Variants in PUM3 observed in about 807,000 individuals in gnomAD.
The protein encoded by PUM3 is pumilio homolog 3.
A neutral mutation model predicts 84.0 loss-of-function variants in PUM3; 91 were observed. The ratio of observed to expected loss-of-function variants is 1.08; its 90% confidence interval spans 0.91 to 1.29. PUM3 has a LOEUF of 1.29. PUM3 is among the 50% of genes most tolerant of loss of function. The probability of loss-of-function intolerance (pLI) is 0.00; values close to 1 mark genes in which losing one functional copy is unlikely to be tolerated. For synonymous variants in PUM3, 321 were observed against 266.7 expected, an observed-to-expected ratio of 1.20 and a Z score of -1.98; for missense variants, 1,067 against 767.5, an observed-to-expected ratio of 1.39 and a Z score of -4.61.
rs182021217 is a variant in PUM3 at position 2,806,101 on chromosome 9, A to G, written c.1815-1638T>C. On this transcript the variant is annotated intron_variant, in intron 17 of 17. Transcript: ENST00000397885. ...ATAATAAACCTATAGTATCCTTCCTATGTTTGAAATCCACCTAATGGGAGT... is the reference window on the plus strand; with the variant it reads ...ATAATAAACCTATAGTATCCTTCCTGTGTTTGAAATCCACCTAATGGGAGT... 6.4e-4 allele frequency among the ~76,000 whole-genome samples: 98 copies of G among 152,298 alleles called. 1 individual carries two copies. Among genetic ancestry groups the G allele is most frequent in the African/African-American group, 2.3e-3 (95 of 41,574 alleles).
Position 2,827,152 on chromosome 9 carries a change from C to G in PUM3, c.957-1G>C. 1.9e-6 allele frequency: 3 copies of G among 1,603,758 alleles called. No individual in the cohort carries two copies. The highest frequency in any genetic ancestry group is 2.6e-6 in the Non-Finnish European group (3 of 1,176,132). ...CAATGAGTGCTTAATCACAGCTTCC[C>G]TGAAAACAGAAAAAAAAAGCAAAAA... On this transcript the variant is annotated splice_acceptor_variant, in intron 9 of 17. Coordinates refer to ENST00000397885, the MANE Select transcript of PUM3 (RefSeq NM_014878.5). LOFTEE classifies it high-confidence loss of function.
chr9:2,831,219 T>C (rs2129863713), intron 6 of PUM3, 32 bp downstream of exon 6: 1 of 1,407,108 alleles, frequency 7.1e-7, no homozygotes, highest in Non-Finnish European at 1.0e-6. Flanking sequence ...TTATTGCAAA[T>C]GATAACATAA....
chr9:2,838,296 A>G (rs1816181625), intron 2 of PUM3, 130 bp downstream of exon 2: 1 of 686,000 alleles, frequency 1.5e-6, no homozygotes, highest in Admixed American at 2.3e-5. Context: ...TAACTCATAC[A>G]CAATAACACA....
chr9:2,828,605 C>A, intron 9 of PUM3, 70 bp downstream of exon 9: 1 of 901,564 alleles, frequency 1.1e-6, no homozygotes, highest in Non-Finnish European at 1.8e-6. Context: ...CTCTTCTGGG[C>A]AACAGTTATG....
At chr9:2,838,072 A>T (rs888948938) in intron 2 of PUM3, among the ~76,000 whole-genome samples, 3 of 152,210 alleles carry the variant, frequency 2.0e-5, no homozygotes, top group Non-Finnish European at 2.9e-5. Context: ...AGACATCACC[A>T]TTATAAATTC....
intron 17 of PUM3, among the ~76,000 whole-genome samples, chr9:2,805,752 A>T (rs1055022045): frequency 6.6e-6 from 1 of 152,096 alleles, no homozygotes; most frequent in Admixed American, 6.6e-5. Flanking sequence ...TGCATCATCC[A>T]ATCTAGTTTT....
intron 16 of PUM3, among the ~76,000 whole-genome samples, chr9:2,809,974 G>C (rs1207396316): frequency 6.6e-6 from 1 of 151,982 alleles, no homozygotes; most frequent in East Asian, 1.9e-4. Flanking sequence ...CTGAGGTAAT[G>C]ATACTCAACA....
chr9:2,805,793 A>AT (rs891108127), intron 17 of PUM3, among the ~76,000 whole-genome samples: 40 of 151,684 alleles, frequency 2.6e-4, no homozygotes, highest in East Asian at 7.7e-4. Context: ...CATTAATCTC[A>AT]TTTTTTTTAC....
chr9:2,825,898 T>C (rs928714668), intron 10 of PUM3, among the ~76,000 whole-genome samples: 11 of 152,148 alleles, frequency 7.2e-5, no homozygotes, highest in South Asian at 2.1e-4. Flanking sequence ...ATACAAAGCC[T>C]CATGCCACGA....
rs1816181334 is a variant in PUM3 at position 2,838,284 on chromosome 9, G to A, written c.82+142C>T. ...AGTGTCTAAATGTCATGAGCAACAT[G>A]TTAACTCATACACAATAACACATAC... On this transcript the variant is annotated intron_variant, in intron 2 of 17. Transcript: ENST00000397885. The A allele has an allele frequency of 1.6e-5, 10 of 640,238 alleles. No individual in the cohort carries two copies. In the South Asian group the frequency reaches 2.1e-4, roughly 13 times the overall value. 39.7% of individuals were successfully genotyped at this position (640,238 alleles called of 1,614,324 possible).
chr9:2,817,291 G>A (rs1298462159), intron 13 of PUM3, among the ~76,000 whole-genome samples: 2 of 152,190 alleles, frequency 1.3e-5, no homozygotes, highest in Non-Finnish European at 2.9e-5. Context: ...GAATAGGGAT[G>A]GGTAAACTAT....
chr9:2,811,637 T>C, intron 14 of PUM3, 54 bp from the exon 15 acceptor site: 1 of 1,348,430 alleles, frequency 7.4e-7, no homozygotes, highest in East Asian at 2.3e-5. Flanking sequence ...AAAGGAAATG[T>C]GGTGATATTA....
At chr9:2,818,935 C>T (rs1197818685) in intron 13 of PUM3, among the ~76,000 whole-genome samples, 2 of 152,338 alleles carry the variant, frequency 1.3e-5, no homozygotes, top group East Asian at 3.9e-4. Flanking sequence ...ACAACACCAC[C>T]ACCTGACAAC....
At chr9:2,838,380 C>A in intron 2 of PUM3, 46 bp downstream of exon 2, 1 of 1,272,400 alleles carries the variant, frequency 7.9e-7, no homozygotes, top group Non-Finnish European at 1.2e-6. Context: ...GCCCTCCCAT[C>A]CCCCAATTAT....
intron 13 of PUM3, among the ~76,000 whole-genome samples, chr9:2,817,017 G>A (rs1279284296): frequency 6.6e-6 from 1 of 152,184 alleles, no homozygotes; most frequent in Non-Finnish European, 1.5e-5. Flanking sequence ...TGGGAAATAG[G>A]AACACGTGAC....
intron 2 of PUM3, among the ~76,000 whole-genome samples, chr9:2,838,181 T>A (rs1348745637): frequency 6.6e-6 from 1 of 152,182 alleles, no homozygotes; most frequent in Non-Finnish European, 1.5e-5. Context: ...GTGAATAAAA[T>A]GAGGCAACAG....
At chr9:2,812,453 A>G (rs1821394118) in intron 13 of PUM3, 91 bp from the exon 14 acceptor site, 2 of 864,366 alleles carry the variant, frequency 2.3e-6, no homozygotes, top group African/African-American at 1.7e-5. Context: ...GCCATTTACT[A>G]TGCTAAGCAA....
At chr9:2,839,708 T>C (rs1411215878) in intron 1 of PUM3, among the ~76,000 whole-genome samples, 1 of 152,212 alleles carries the variant, frequency 6.6e-6, no homozygotes, top group East Asian at 1.9e-4. Context: ...TCAGGGCATT[T>C]AGAACTGAAG....
Position 2,834,047 on chromosome 9 carries a change from A to T in PUM3, c.424T>A (p.Trp142Arg). The change falls in exon 4 of 18, where the codon TGG (tryptophan) becomes AGG (arginine). Residue 142 changes from tryptophan (W) to arginine (R), a missense_variant. Coordinates refer to ENST00000397885, the MANE Select transcript of PUM3 (RefSeq NM_014878.5). ...YDIVVRAKQMWEILRRKDCDK... is the reference protein window; with the variant it reads ...YDIVVRAKQMREILRRKDCDK... ...TAGAATTACCTTCTTAAAATCTCCC[A>T]CATCTGCTTTGCCCGAACAACAATG... The T allele has an allele frequency of 6.2e-7, 1 of 1,613,354 alleles. No homozygotes were observed. Among genetic ancestry groups the T allele is most frequent in the Non-Finnish European group, 8.5e-7 (1 of 1,179,676 alleles).
Sources: gnomAD v4.1 joint callset for allele counts (sites outside exome capture counted in the v4.1 genomes callset) on GRCh38, gnomAD v4.1.1 for gene constraint, MANE v1.5 for transcripts, NCBI Gene and HGNC (gene_info 2026-07-23, HGNC 2026-07-21) for gene names.